Variants in FZR1 observed in about 807,000 individuals in gnomAD.
The protein encoded by FZR1 is fizzy-related protein homolog.
In FZR1, 11 loss-of-function variants were observed where a neutral mutation model predicts 63.6. The ratio of observed to expected loss-of-function variants is 0.17; its 90% CI spans 0.11 to 0.29. FZR1 has a LOEUF of 0.29. Among genes scored for constraint, FZR1 ranks in the 10% least tolerant of loss-of-function variants. FZR1 has a pLI of 1.00. For missense variants in FZR1, 440 were observed against 687.5 expected (o/e 0.64, Z 4.03); for synonymous variants, 328 against 297.9 (o/e 1.10, Z -1.04).
intron 1 of FZR1, among the ~76,000 whole-genome samples, chr19:3,513,453 G>A (rs1486995766): frequency 6.6e-6 from 1 of 152,208 alleles, no homozygotes; most frequent in Non-Finnish European, 1.5e-5. Context: ...GACCCAGACT[G>A]GCTGGATTCA....
chr19:3,535,728 A>C lies in FZR1; in HGVS notation c.*892A>C, dbSNP rs779310024. On this transcript the variant is annotated 3_prime_UTR_variant, in exon 14 of 14. Coordinates refer to ENST00000441788, the MANE Select transcript of FZR1 (RefSeq NM_016263.4). ...TCCCTGCGCAAGACTTGCGTCCCCC[A>C]TGCCTGCTGGGTGGCTGGGTCCTGT... The C allele has an allele frequency of 6.6e-6, 1 of 152,268 alleles. No individual in the cohort carries two copies. The highest frequency in any genetic ancestry group is 6.5e-5 in the Admixed American group (1 of 15,270). The allele number at this position is 152,268 out of a possible 1,614,324, so 9.4% of individuals were successfully genotyped here.
chr19:3,526,599 G>A lies in FZR1; in HGVS notation c.387+213G>A, dbSNP rs1001543649. On this transcript the variant is annotated intron_variant, in intron 5 of 13. Transcript: ENST00000441788. This position sits in a 1 kb window ranked among gnomAD's most constrained non-coding sequence, Gnocchi z 5.4. ...AGGTAAACTGGGATGTGGGGGTGCG[G>A]GAGGAATCCAGGCTCAGCCTGTTGG... Among the ~76,000 whole-genome samples the A allele has an allele frequency of 3.3e-5, 5 of 152,230 alleles. No homozygotes were observed. Among genetic ancestry groups the A allele is most frequent in the African/African-American group, 1.2e-4 (5 of 41,456 alleles).
intron 1 of FZR1, among the ~76,000 whole-genome samples, chr19:3,520,192 G>A (rs1568232105): frequency 5.3e-5 from 8 of 152,222 alleles, no homozygotes; most frequent in Admixed American, 2.6e-4. Flanking sequence ...GTGTGGTGGG[G>A]ACACATGGGC....
At chr19:3,513,489 G>C (rs2083038003) in intron 1 of FZR1, among the ~76,000 whole-genome samples, 1 of 152,206 alleles carries the variant, frequency 6.6e-6, no homozygotes, top group African/African-American at 2.4e-5. Context: ...CTCACCAACT[G>C]CATGGGGACC....
At chr19:3,507,200 C>T (rs922351969) in intron 1 of FZR1, among the ~76,000 whole-genome samples, 8 of 151,074 alleles carry the variant, frequency 5.3e-5, no homozygotes, top group African/African-American at 1.7e-4. Flanking sequence ...CCAGCTCTCC[C>T]ACCAAAGCCT....
chr19:3,518,017 T>C (rs894540927), intron 1 of FZR1, among the ~76,000 whole-genome samples: 7 of 146,398 alleles, frequency 4.8e-5, no homozygotes, highest in East Asian at 2.0e-4. Flanking sequence ...CTTTCTTTTT[T>C]TTTTTTTTTT....
intron 2 of FZR1, among the ~76,000 whole-genome samples, chr19:3,524,635 G>A (rs529383140): frequency 1.3e-5 from 2 of 152,262 alleles, no homozygotes; most frequent in East Asian, 1.9e-4. Context: ...CGCAGCACTC[G>A]CAGAACCTCT....
chr19:3,530,435 G>GGGAGAGCGC (rs1568238999), intron 7 of FZR1, among the ~76,000 whole-genome samples: 1,345 of 73,970 alleles, frequency 0.018, 153 homozygotes, highest in South Asian at 0.15. Context: ...TGGGAGAGCG[G>GGGAGAGCGC]ATGGGAGAGC....
Position 3,533,496 on chromosome 19 carries a change from T to A in FZR1, c.1347+98T>A. 1 of 748,816 alleles carries A rather than the reference T, an allele frequency of 1.3e-6. No individual in the cohort carries two copies. Among genetic ancestry groups the A allele is most frequent in the South Asian group, 1.5e-5 (1 of 66,660 alleles). 46.4% of individuals were successfully genotyped at this position (748,816 alleles called of 1,614,324 possible). A position where few individuals can be genotyped will look rare whatever the true frequency, so the allele number is the denominator to read the frequency against. ...TGTCCTGTGTTCTTAGGGAGGATGG[T>A]GTGCAGATCTAAAACCCCGTGGGAC... On this transcript the variant is annotated intron_variant, in intron 12 of 13. Transcript: ENST00000441788. The surrounding 1 kb of genome is among the most constrained non-coding windows in gnomAD (Gnocchi z 4.9).
chr19:3,523,588 A>C (rs1298686191), intron 2 of FZR1, among the ~76,000 whole-genome samples: 1 of 152,232 alleles, frequency 6.6e-6, no homozygotes, highest in Non-Finnish European at 1.5e-5. Context: ...CTGAGGGGCC[A>C]AACTCCTGTT....
rs1468728407 is a variant in FZR1 at position 3,516,249 on chromosome 19, G to A, written c.-34-6707G>A. On this transcript the variant is annotated intron_variant, in intron 1 of 13. Coordinates refer to ENST00000441788, the MANE Select transcript of FZR1 (RefSeq NM_016263.4). The surrounding 1 kb of genome is among the most constrained non-coding windows in gnomAD (Gnocchi z 6.0). Reference sequence around the variant, plus strand: ...CCCACAGCCTCCCCCACCGTCTGACGGGCGGGAGGGTGGTGTCCTCGGTTG... The same window carrying A: ...CCCACAGCCTCCCCCACCGTCTGACAGGCGGGAGGGTGGTGTCCTCGGTTG... Among the ~76,000 whole-genome samples, 6 of 152,204 alleles carry A rather than the reference G, an allele frequency of 3.9e-5. No individual in the cohort carries two copies. Among genetic ancestry groups the A allele is most frequent in the Admixed American group, 3.9e-4 (6 of 15,280 alleles).
At chr19:3,529,154 A>ATGAGTGAGCGGT (rs1568237489) in intron 7 of FZR1, among the ~76,000 whole-genome samples, 15 of 38,876 alleles carry the variant, frequency 3.9e-4, no homozygotes, top group African/African-American at 1.6e-3. Flanking sequence ...GGGAGAGCGG[A>ATGAGTGAGCGGT]TGGGAGAGCG....
intron 1 of FZR1, among the ~76,000 whole-genome samples, chr19:3,519,685 C>A (rs372763543): frequency 6.6e-6 from 1 of 152,206 alleles, no homozygotes; most frequent in East Asian, 1.9e-4. Flanking sequence ...TGTGGCTGCA[C>A]GCACCACCTC....
chr19:3,528,651 G>GTGGATGGGAGAA (rs2083188337), intron 7 of FZR1, among the ~76,000 whole-genome samples: 2 of 150,028 alleles, frequency 1.3e-5, no homozygotes, highest in Admixed American at 1.3e-4. Context: ...GGATGGGAGA[G>GTGGATGGGAGAA]TGGATGGGAG....
At chr19:3,531,452 A>G (rs949311303) in intron 8 of FZR1, among the ~76,000 whole-genome samples, 1 of 152,212 alleles carries the variant, frequency 6.6e-6, no homozygotes, top group African/African-American at 2.4e-5. Context: ...TCTGTGTGAA[A>G]TGTCCATGTG....
rs758471391 is a variant in FZR1, at chr19:3,533,267, G to T, written c.1243-27G>T. On this transcript the variant is annotated intron_variant, in intron 11 of 13. Transcript: ENST00000441788. The surrounding 1 kb of genome is among the most constrained non-coding windows in gnomAD (Gnocchi z 4.9). ...GCACCCGGCCTCGTTGCCCCTCACC[G>T]ACCGCAGCGCCCCCTCCGCCCTCCA... The T allele has an allele frequency of 4.9e-6, 7 of 1,437,082 alleles. No individual in the cohort carries two copies. Among genetic ancestry groups the T allele is most frequent in the South Asian group, 1.1e-5 (1 of 87,584 alleles). The allele number at this position is 1,437,082 out of a possible 1,614,324, so 89.0% of individuals were successfully genotyped here. A position where few individuals can be genotyped will look rare whatever the true frequency, so the allele number is the denominator to read the frequency against.
At position 3,516,951 on chromosome 19, in the gene FZR1, G is replaced by A. The variant is rs1278661207; in HGVS notation, c.-34-6005G>A. Among the ~76,000 whole-genome samples, 2 of 152,262 alleles carry A rather than the reference G, an allele frequency of 1.3e-5. No homozygotes were observed. Among genetic ancestry groups the A allele is most frequent in the African/African-American group, 2.4e-5 (1 of 41,472 alleles). ...CTGGCGCCCGGTGTATTTGCTTTCA[G>A]TGCTGACTTCAGGGCAGCATCAGTG... On this transcript the variant is annotated intron_variant, in intron 1 of 13. Transcript: ENST00000441788. This position sits in a 1 kb window ranked among gnomAD's most constrained non-coding sequence, Gnocchi z 6.0.
intron 1 of FZR1, among the ~76,000 whole-genome samples, chr19:3,519,867 G>A (rs766567994): frequency 2.0e-4 from 27 of 134,298 alleles, no homozygotes; most frequent in Non-Finnish European, 3.5e-4. Context: ...TCTGTGAATC[G>A]GTCCCGGGGG....
rs957726358 is a variant in FZR1, at chr19:3,526,624, G to T, written c.387+238G>T. ...GGAGGAATCCAGGCTCAGCCTGTTG[G>T]GCTTTTTCTCCCCACACCAATGCTA... On this transcript the variant is annotated intron_variant, in intron 5 of 13. Transcript: ENST00000441788. This position sits in a 1 kb window ranked among gnomAD's most constrained non-coding sequence, Gnocchi z 5.4. Among the ~76,000 whole-genome samples, 3 of 152,208 alleles carry T rather than the reference G, an allele frequency of 2.0e-5. No individual in the cohort carries two copies. The highest frequency in any genetic ancestry group is 7.2e-5 in the African/African-American group (3 of 41,452).
Sources: allele counts gnomAD v4.1 joint callset (sites outside exome capture counted in the v4.1 genomes callset), GRCh38; gene constraint gnomAD v4.1.1; non-coding constraint Gnocchi (gnomAD v3.1); transcripts MANE v1.5; gene names NCBI Gene and HGNC (gene_info 2026-07-23, HGNC 2026-07-21).